Variants in INPP5A observed in about 807,000 individuals in gnomAD.
The protein encoded by INPP5A is 43 kDa inositol polyphosphate 5-phophatase.
INPP5A carries 14 observed loss-of-function variants against 65.2 expected under a neutral mutation model. That is an observed-to-expected ratio of 0.21 (90% confidence interval 0.14 to 0.34). INPP5A has a LOEUF of 0.34. Among genes scored for constraint, INPP5A ranks in the 10% least tolerant of loss-of-function variants. The pLI, the probability that INPP5A is intolerant of heterozygous loss-of-function variation, is 1.00. For missense variants in INPP5A, 431 were observed against 545.6 expected, an observed-to-expected ratio of 0.79 and a Z score of 2.09; for synonymous variants, 207 against 208.3, an observed-to-expected ratio of 0.99 and a Z score of 0.05.
intron 9 of INPP5A, among the ~76,000 whole-genome samples, chr10:132,742,134 C>T (rs965973636): frequency 1.3e-5 from 2 of 152,244 alleles, no homozygotes; most frequent in Non-Finnish European, 1.5e-5. Context: ...AGCCACGCTG[C>T]ATCAGATAGG....
At chr10:132,736,802 C>T (rs1331603208) in intron 9 of INPP5A, among the ~76,000 whole-genome samples, 1 of 152,254 alleles carries the variant, frequency 6.6e-6, no homozygotes, top group African/African-American at 2.4e-5. Context: ...AACATCGCAC[C>T]TGGTCATGGC....
intron 9 of INPP5A, among the ~76,000 whole-genome samples, chr10:132,736,636 C>T (rs1220559424): frequency 1.3e-5 from 2 of 152,242 alleles, no homozygotes; most frequent in Non-Finnish European, 2.9e-5. Flanking sequence ...CTGTGTCTGC[C>T]GTTCAGTGGA....
chr10:132,574,863 T>C (rs955274393), intron 1 of INPP5A, among the ~76,000 whole-genome samples: 2 of 152,002 alleles, frequency 1.3e-5, no homozygotes, highest in Admixed American at 6.6e-5. Context: ...GAATGTGGTT[T>C]CTGTGAGAGC....
rs554610039 is a variant in INPP5A at position 132,704,573 on chromosome 10, T to C, written c.475-3740T>C. Among the ~76,000 whole-genome samples, 74 of 152,344 alleles carry C rather than the reference T, an allele frequency of 4.9e-4. No homozygotes were observed. The highest frequency in any genetic ancestry group is 8.8e-5 in the Non-Finnish European group (6 of 68,028). On this transcript the variant is annotated intron_variant, in intron 6 of 15. Transcript: ENST00000368594. This position sits in a 1 kb window ranked among gnomAD's most constrained non-coding sequence, Gnocchi z 4.5. ...CTCCTTGTACCCGAGGCCCCACAGC[T>C]GGGACTTGAACCTGGCAGCCTGGCA...
intron 9 of INPP5A, among the ~76,000 whole-genome samples, chr10:132,730,486 C>T (rs1025066862): frequency 2.6e-5 from 4 of 152,264 alleles, no homozygotes; most frequent in Non-Finnish European, 5.9e-5. Context: ...CTCGGCCGCT[C>T]TGCAGCCCCA....
intron 2 of INPP5A, among the ~76,000 whole-genome samples, chr10:132,624,135 C>A (rs1282284130): frequency 2.0e-5 from 3 of 148,868 alleles, no homozygotes; most frequent in Non-Finnish European, 4.4e-5. Flanking sequence ...GTGGCCACCC[C>A]CTGACCCACG....
chr10:132,632,182 C>G (rs2072284483), intron 2 of INPP5A, among the ~76,000 whole-genome samples: 1 of 152,250 alleles, frequency 6.6e-6, no homozygotes, highest in African/African-American at 2.4e-5. Flanking sequence ...CCTGTCCATC[C>G]TCTGCGGTCC....
chr10:132,596,022 C>T (rs545886451), intron 1 of INPP5A, among the ~76,000 whole-genome samples: 4 of 152,232 alleles, frequency 2.6e-5, no homozygotes, highest in Admixed American at 6.5e-5. Flanking sequence ...GCTGAACACA[C>T]GCAGAGCTGC....
At chr10:132,594,862 G>T (rs151024246) in intron 1 of INPP5A, among the ~76,000 whole-genome samples, 5 of 152,124 alleles carry the variant, frequency 3.3e-5, no homozygotes, top group African/African-American at 4.8e-5. Context: ...GGTTCTCCCC[G>T]TCTGCCATTT....
At chr10:132,635,385 G>GTTT (rs1564943179) in intron 2 of INPP5A, among the ~76,000 whole-genome samples, 1 of 40,138 alleles carries the variant, frequency 2.5e-5, no homozygotes, top group Non-Finnish European at 4.8e-5. Flanking sequence ...CCTTTTTAAA[G>GTTT]ATTTTTTTTT....
rs1321703016 is a variant in INPP5A, at chr10:132,663,831, G to A, written c.306+13326G>A. Among the ~76,000 whole-genome samples, 3 of 152,148 alleles carry A rather than the reference G, an allele frequency of 2.0e-5. No homozygotes were observed. The highest frequency in any genetic ancestry group is 1.9e-4 in the East Asian group (1 of 5,174). On this transcript the variant is annotated intron_variant, in intron 4 of 15. Transcript: ENST00000368594. This position sits in a 1 kb window ranked among gnomAD's most constrained non-coding sequence, Gnocchi z 4.5. The stretch of plus-strand genomic sequence containing the variant: ...TGAGCCGTGAGCTGGGCAGGGCCGC[G>A]CTCACATCATTCCTCTCCCCCTGTC...
At chr10:132,736,952 T>G (rs1846187500) in intron 9 of INPP5A, among the ~76,000 whole-genome samples, 1 of 152,186 alleles carries the variant, frequency 6.6e-6, no homozygotes, top group East Asian at 1.9e-4. Context: ...GTGGGCACAG[T>G]GGGCGCCGTG....
chr10:132,543,840 A>G (rs138068905), intron 1 of INPP5A, among the ~76,000 whole-genome samples: 1 of 151,946 alleles, frequency 6.6e-6, no homozygotes, highest in Non-Finnish European at 1.5e-5. Context: ...TGAACAGTGG[A>G]TGTTTGGCCT....
At chr10:132,735,233 G>A (rs566821123) in intron 9 of INPP5A, among the ~76,000 whole-genome samples, 209 of 152,330 alleles carry the variant, frequency 1.4e-3, no homozygotes, top group Middle Eastern at 3.4e-3. Flanking sequence ...GCCGGAAAAG[G>A]CCACACCCAG....
chr10:132,604,222 A>G (rs1414844738), intron 1 of INPP5A, among the ~76,000 whole-genome samples: 2 of 98,298 alleles, frequency 2.0e-5, no homozygotes, highest in African/African-American at 4.0e-5. Flanking sequence ...TCCCCTCTCC[A>G]TCCTGCCCTA....
chr10:132,539,773 C>T (rs1424279987), intron 1 of INPP5A, among the ~76,000 whole-genome samples: 1 of 149,544 alleles, frequency 6.7e-6, no homozygotes, highest in African/African-American at 2.4e-5. Context: ...GCGTGGTTTC[C>T]ATTTCAGGAG....
chr10:132,569,937 C>G (rs866461903), intron 1 of INPP5A, among the ~76,000 whole-genome samples: 1 of 147,160 alleles, frequency 6.8e-6, no homozygotes, highest in South Asian at 2.2e-4. Flanking sequence ...CAGGTGTGAG[C>G]CACCGCACTG....
Position 132,545,847 on chromosome 10 carries a change from C to T in INPP5A, c.75+7676C>T, listed in dbSNP as rs941377172. 2.0e-5 allele frequency among the ~76,000 whole-genome samples: 3 copies of T among 152,210 alleles called. No individual in the cohort carries two copies. The highest frequency in any genetic ancestry group is 7.2e-5 in the African/African-American group (3 of 41,462). On this transcript the variant is annotated intron_variant, in intron 1 of 15. Transcript: ENST00000368594. This position sits in a 1 kb window ranked among gnomAD's most constrained non-coding sequence, Gnocchi z 4.6. ...TGCTTTGTGGAGCTCTGAGCGCTGGCTCCAGGCCGGCTTTCAGGAAGGCCG... is the reference window on the plus strand; with the variant it reads ...TGCTTTGTGGAGCTCTGAGCGCTGGTTCCAGGCCGGCTTTCAGGAAGGCCG...
chr10:132,646,033 C>A, intron 3 of INPP5A, 65 bp downstream of exon 3: 1 of 1,038,190 alleles, frequency 9.6e-7, no homozygotes, highest in Non-Finnish European at 1.5e-6. Flanking sequence ...CGGCGGGGGT[C>A]TTTTCATGGT....
Sources: gnomAD v4.1 joint callset for allele counts (sites outside exome capture counted in the v4.1 genomes callset) on GRCh38, gnomAD v4.1.1 for gene constraint, Gnocchi (gnomAD v3.1) non-coding constraint, MANE v1.5 for transcripts, NCBI Gene and HGNC (gene_info 2026-07-23, HGNC 2026-07-21) for gene names.